CLASP2: variants seen among roughly 807,000 people sequenced by gnomAD.
The protein encoded by CLASP2 is cytoplasmic linker associated protein 2.
Under a neutral mutation model 194.4 loss-of-function variants are expected in CLASP2, and 47 were observed. The ratio of observed to expected loss-of-function variants is 0.24; its 90% CI spans 0.19 to 0.31. The LOEUF (loss-of-function observed/expected upper bound fraction) is 0.31. Ranked by LOEUF, CLASP2 falls within the 10% of genes least tolerant of loss-of-function variation. The probability of loss-of-function intolerance (pLI) is 1.00; values close to 1 mark genes in which losing one functional copy is unlikely to be tolerated. For synonymous variants in CLASP2, 619 were observed against 633.5 expected, an observed-to-expected ratio of 0.98 and a Z score of 0.34; for missense variants, 1,445 against 1,823.6, an observed-to-expected ratio of 0.79 and a Z score of 3.78.
intron 34 of CLASP2, among the ~76,000 whole-genome samples, chr3:33,523,921 C>A (rs2053821921): frequency 6.6e-6 from 1 of 151,954 alleles, no homozygotes; most frequent in Admixed American, 6.6e-5. Flanking sequence ...TTAAATGTAA[C>A]CCCCATGGAA....
chr3:33,580,876 C>T (rs1403924441), intron 23 of CLASP2, among the ~76,000 whole-genome samples: 108 of 149,934 alleles, frequency 7.2e-4, no homozygotes, highest in Middle Eastern at 7.0e-3. Context: ...ATTAGCCGGG[C>T]GTGGTGGCAG....
At chr3:33,576,049 A>G (rs1424021183) in intron 24 of CLASP2, 120 bp downstream of exon 24, 1 of 703,836 alleles carries the variant, frequency 1.4e-6, no homozygotes, top group Non-Finnish European at 2.4e-6. Flanking sequence ...CCCACGTTTT[A>G]TCTTTAGATT....
chr3:33,677,623 G>A (rs1288131574), intron 6 of CLASP2, among the ~76,000 whole-genome samples: 1 of 150,390 alleles, frequency 6.6e-6, no homozygotes, highest in East Asian at 2.0e-4. Flanking sequence ...GTTAGTGGGT[G>A]CAGCACACCA....
intron 36 of CLASP2, among the ~76,000 whole-genome samples, 152 bp downstream of exon 36, chr3:33,515,871 G>GA (rs976677424): frequency 3.3e-5 from 5 of 152,094 alleles, no homozygotes; most frequent in South Asian, 2.1e-4. Flanking sequence ...TCATTTAATA[G>GA]AAAAAAATAT....
chr3:33,559,809 G>A (rs1241496578), intron 28 of CLASP2, among the ~76,000 whole-genome samples: 2 of 151,992 alleles, frequency 1.3e-5, no homozygotes, highest in African/African-American at 2.4e-5. Context: ...CAGGAGAATC[G>A]CTTGAACCCA....
At chr3:33,716,612 G>A (rs1327012635) in intron 1 of CLASP2, among the ~76,000 whole-genome samples, 2 of 152,224 alleles carry the variant, frequency 1.3e-5, no homozygotes, top group Non-Finnish European at 2.9e-5. Flanking sequence ...TTCTTACAGA[G>A]TAAATTTAGC....
intron 8 of CLASP2, among the ~76,000 whole-genome samples, chr3:33,639,952 A>G (rs1287628554): frequency 6.6e-6 from 1 of 152,230 alleles, no homozygotes; most frequent in East Asian, 1.9e-4. Context: ...ATGGTTACTA[A>G]TAACCATGTG....
At chr3:33,624,946 C>G (rs1474968940) in intron 10 of CLASP2, among the ~76,000 whole-genome samples, 1 of 152,008 alleles carries the variant, frequency 6.6e-6, no homozygotes, top group African/African-American at 2.4e-5. Context: ...CAGATGCTCT[C>G]AAACACTGTA....
chr3:33,510,802 T>G, intron 36 of CLASP2, 38 bp from the exon 37 acceptor site: 2 of 1,509,022 alleles, frequency 1.3e-6, no homozygotes, highest in Non-Finnish European at 1.8e-6. Context: ...AAGTAATTTT[T>G]AAAATATTAC....
chr3:33,626,288 A>G (rs2078040456), intron 10 of CLASP2, among the ~76,000 whole-genome samples: 1 of 152,136 alleles, frequency 6.6e-6, no homozygotes, highest in Non-Finnish European at 1.5e-5. Context: ...CTCAAAGCAG[A>G]ACAGTCTTCA....
intron 2 of CLASP2, among the ~76,000 whole-genome samples, chr3:33,690,323 G>A (rs1016277010): frequency 3.9e-5 from 6 of 152,090 alleles, no homozygotes; most frequent in South Asian, 2.1e-4. Context: ...TAGTGTGGTC[G>A]TACTAGGTGT....
chr3:33,594,303 A>T lies in CLASP2; in HGVS notation c.1966+648T>A, dbSNP rs141485999. Among the ~76,000 whole-genome samples, 965 of 152,314 alleles carry T rather than the reference A, an allele frequency of 6.3e-3. 10 individuals carry two copies. Among genetic ancestry groups the T allele is most frequent in the African/African-American group, 0.022 (907 of 41,576 alleles). ...CGTAAAACTTAGAGGAAAAAAATTTATATTTTGAATCGGAGGTTTTAAAAA... is the reference window on the plus strand; with the variant it reads ...CGTAAAACTTAGAGGAAAAAAATTTTTATTTTGAATCGGAGGTTTTAAAAA... On this transcript the variant is annotated intron_variant, in intron 20 of 38. Transcript: ENST00000682230.
At chr3:33,577,324 G>T in intron 23 of CLASP2, 1 of 1,370,928 alleles carries the variant, frequency 7.3e-7, no homozygotes, top group Non-Finnish European at 1.0e-6. Flanking sequence ...AATAGTGGCA[G>T]CACTACTGTC....
intron 30 of CLASP2, among the ~76,000 whole-genome samples, chr3:33,547,144 A>T (rs9819067): frequency 6.6e-6 from 1 of 152,008 alleles, no homozygotes; most frequent in Non-Finnish European, 1.5e-5. Context: ...GTGTCCCCAC[A>T]CAAATCTCAT....
At chr3:33,639,985 C>T (rs1384365161) in intron 8 of CLASP2, among the ~76,000 whole-genome samples, 3 of 152,174 alleles carry the variant, frequency 2.0e-5, no homozygotes, top group Admixed American at 6.5e-5. Flanking sequence ...TCATTCAATG[C>T]TCTGAGGCTC....
intron 34 of CLASP2, among the ~76,000 whole-genome samples, chr3:33,522,385 C>A (rs2154112471): frequency 6.6e-6 from 1 of 152,246 alleles, no homozygotes. Context: ...AAGCCTGCAA[C>A]AATCAGAACC....
chr3:33,648,938 TG>T (rs34384001), intron 7 of CLASP2, among the ~76,000 whole-genome samples: 1 of 152,210 alleles, frequency 6.6e-6, no homozygotes, highest in Non-Finnish European at 1.5e-5. Flanking sequence ...CATGGCATCC[TG>T]GGTTGAACAA....
Position 33,544,852 on chromosome 3 carries a change from A to G in CLASP2, c.3154-11T>C. ...CACTGACTGTGCTGCCTAAAAAACA[A>G]AGGCATACAGTAGATGAATATATTT... On this transcript the variant is annotated splice_polypyrimidine_tract_variant and intron_variant, in intron 30 of 38. Transcript: ENST00000682230. 6.3e-7 allele frequency: 1 copy of G among 1,597,588 alleles called. No homozygotes were observed. Among genetic ancestry groups the G allele is most frequent in the Non-Finnish European group, 8.5e-7 (1 of 1,172,908 alleles).
chr3:33,687,123 C>A lies in CLASP2; in HGVS notation c.483G>T (p.Gln161His). 1 of 1,595,356 alleles carries A rather than the reference C, an allele frequency of 6.3e-7. No individual in the cohort carries two copies. Among genetic ancestry groups the A allele is most frequent in the Non-Finnish European group, 8.5e-7 (1 of 1,169,998 alleles). Residue 161 changes from glutamine to histidine, a missense_variant, in exon 5 of 39, where the codon CAG becomes CAT. Coordinates refer to ENST00000682230, the MANE Select transcript of CLASP2 (RefSeq NM_001365631.1). The part of the protein sequence containing the change: ...LIETLNIFGA[Q>H]PLVISKLIPH... ...GTATCAATTTGCTGATGACTAGTGG[C>A]TGAGCCCCAAAACTAAATATAATTT... is the stretch of plus-strand genomic sequence containing the variant.
Sources: allele counts gnomAD v4.1 joint callset (sites outside exome capture counted in the v4.1 genomes callset), GRCh38; gene constraint gnomAD v4.1.1; transcripts MANE v1.5; gene names NCBI Gene and HGNC (gene_info 2026-07-23, HGNC 2026-07-21).